The following USP53 variants were observed in gnomAD, a reference collection of about 807,000 sequenced individuals.
USP53 encodes the protein ubiquitin specific peptidase 53.
USP53 carries 71 observed loss-of-function variants against 94.9 expected under a neutral mutation model. The observed-to-expected ratio is 0.75, with a 90% CI of 0.62 to 0.91. The LOEUF (loss-of-function observed/expected upper bound fraction) is 0.91. USP53 is among the 40% of genes least tolerant of loss of function. The pLI is 0.00. For synonymous variants in USP53, 375 were observed against 422.7 expected (o/e 0.89, Z 1.39); for missense variants, 1,173 against 1,281.0 (o/e 0.92, Z 1.29).
intron 3 of USP53, among the ~76,000 whole-genome samples, 169 bp from the exon 4 acceptor site, chr4:119,235,121 T>C (rs1746564114): frequency 6.6e-6 from 1 of 152,372 alleles, no homozygotes; most frequent in Middle Eastern, 3.4e-3. Context: ...CAAAGTCTCC[T>C]GACTTGGATT....
intron 12 of USP53, among the ~76,000 whole-genome samples, chr4:119,265,530 G>T (rs1266565006): frequency 6.6e-6 from 1 of 152,106 alleles, no homozygotes; most frequent in Non-Finnish European, 1.5e-5. Context: ...AATTAGCCAG[G>T]TGTGGTGGCA....
intron 3 of USP53, among the ~76,000 whole-genome samples, chr4:119,224,285 A>T (rs1201315746): frequency 1.3e-5 from 2 of 152,244 alleles, no homozygotes; most frequent in African/African-American, 4.8e-5. Flanking sequence ...GGCGTGAGCC[A>T]CCACATCTGG....
rs938780250 is a variant in USP53, at chr4:119,294,533, A to G, written c.*1322A>G. Reference sequence around the variant, plus strand: ...TGGTAAACTAATTGTGGTTTAGAATAGTTTTATGTTCACTCCTGATAACTG... The same window carrying G: ...TGGTAAACTAATTGTGGTTTAGAATGGTTTTATGTTCACTCCTGATAACTG... On this transcript the variant is annotated 3_prime_UTR_variant, in exon 19 of 19. Coordinates refer to ENST00000692078, the MANE Select transcript of USP53 (RefSeq NM_001371395.1). 1 of 152,124 alleles carries G rather than the reference A, an allele frequency of 6.6e-6. No individual in the cohort carries two copies. Among genetic ancestry groups the G allele is most frequent in the African/African-American group, 2.4e-5 (1 of 41,458 alleles). 9.4% of individuals were successfully genotyped at this position (152,124 alleles called of 1,614,324 possible).
At position 119,261,750 on chromosome 4, in the gene USP53, T is replaced by C. The variant is rs1427960270; in HGVS notation, c.858T>C (p.Asn286=). Residue 286 remains asparagine, a synonymous_variant, in exon 12 of 19, where the codon AAT becomes AAC. Transcript: ENST00000692078. ...FYRVTDENAK[N]SELNLVGMIC... is the part of the protein sequence containing the mutation. Reference sequence around the variant, plus strand: ...GAGTTACTGATGAAAATGCCAAAAATAGTGAACTTAACCTTGTTGGTATGA... The same window carrying C: ...GAGTTACTGATGAAAATGCCAAAAACAGTGAACTTAACCTTGTTGGTATGA... 3 of 1,564,554 alleles carry C rather than the reference T, an allele frequency of 1.9e-6. No homozygotes were observed. The highest frequency in any genetic ancestry group is 2.6e-6 in the Non-Finnish European group (3 of 1,145,540).
At chr4:119,268,215 A>G in intron 13 of USP53, 53 bp from the exon 14 acceptor site, 14 of 1,494,328 alleles carry the variant, frequency 9.4e-6, no homozygotes, top group Non-Finnish European at 1.3e-5. Context: ...TGATTCAAAC[A>G]TCTCTTCTCA....
In USP53 at chr4:119,292,793, C is replaced by T. The variant is rs1754910027; in HGVS notation, c.2804C>T (p.Pro935Leu). The T allele has an allele frequency of 1.2e-6, 2 of 1,610,706 alleles. No individual in the cohort carries two copies. Among genetic ancestry groups the T allele is most frequent in the African/African-American group, 1.4e-5 (1 of 73,652 alleles). Residue 935 changes from proline (P) to leucine (L), a missense_variant, in exon 19 of 19, where the codon CCA becomes CTA. Physicochemically the swap from Pro to Leu is moderately conservative, Grantham distance 98. Coordinates refer to ENST00000692078, the MANE Select transcript of USP53 (RefSeq NM_001371395.1). ...PPKKYAITSV[P>L]QSEKSESTPD... is the part of the protein sequence containing the mutation. The stretch of plus-strand genomic sequence containing the variant: ...AAGAAATATGCTATAACCAGTGTGC[C>T]ACAGTCAGAGAAAAGCGAATCTACA...
intron 7 of USP53, among the ~76,000 whole-genome samples, chr4:119,253,634 C>G (rs961008218): frequency 2.6e-5 from 4 of 152,082 alleles, no homozygotes; most frequent in Non-Finnish European, 5.9e-5. Context: ...GATGGGTCTC[C>G]TGAATACAGC....
intron 17 of USP53, among the ~76,000 whole-genome samples, chr4:119,280,850 G>A (rs558071798): frequency 6.6e-6 from 1 of 152,170 alleles, no homozygotes; most frequent in African/African-American, 2.4e-5. Flanking sequence ...ATATTGTGGA[G>A]AATCACGTGC....
At chr4:119,214,882 C>G (rs1342328605) in intron 2 of USP53, among the ~76,000 whole-genome samples, 2 of 152,122 alleles carry the variant, frequency 1.3e-5, no homozygotes, top group Non-Finnish European at 2.9e-5. Context: ...CTCTTACTTA[C>G]TGGGGTAGGA....
chr4:119,218,823 A>C (rs557722562), intron 3 of USP53: 5 of 152,266 alleles, frequency 3.3e-5, no homozygotes, highest in African/African-American at 1.2e-4. Flanking sequence ...TCTGTTTGCT[A>C]TCTAGTTATC....
intron 15 of USP53, 33 bp from the exon 16 acceptor site, chr4:119,271,263 A>G (rs773166689): frequency 2.0e-6 from 3 of 1,522,718 alleles, no homozygotes; most frequent in Non-Finnish European, 1.8e-6. Context: ...TCTGAGGAGT[A>G]ATTCATGTGT....
intron 6 of USP53, among the ~76,000 whole-genome samples, chr4:119,247,194 C>G (rs755949161): frequency 7.2e-5 from 11 of 152,192 alleles, no homozygotes; most frequent in Non-Finnish European, 1.3e-4. Flanking sequence ...GACCAACTCT[C>G]TTGTAGCCCT....
chr4:119,277,873 T>A (rs1363955023), intron 17 of USP53, among the ~76,000 whole-genome samples: 1 of 120,772 alleles, frequency 8.3e-6, no homozygotes, highest in Non-Finnish European at 1.8e-5. Flanking sequence ...TTTGTCTCTT[T>A]TGATCTTTGT....
chr4:119,226,796 G>A (rs1745315492), intron 3 of USP53, among the ~76,000 whole-genome samples: 1 of 152,028 alleles, frequency 6.6e-6, no homozygotes, highest in Non-Finnish European at 1.5e-5. Flanking sequence ...AGAATAGAGA[G>A]ACCAGAAATA....
At chr4:119,241,592 T>C (rs1350738335) in intron 5 of USP53, among the ~76,000 whole-genome samples, 1 of 152,218 alleles carries the variant, frequency 6.6e-6, no homozygotes, top group Non-Finnish European at 1.5e-5. Context: ...TATTCTGATC[T>C]TTGTTTCTCT....
At chr4:119,245,224 A>T in intron 5 of USP53, 113 bp from the exon 6 acceptor site, 1 of 872,848 alleles carries the variant, frequency 1.1e-6, no homozygotes, top group Non-Finnish European at 1.8e-6. Context: ...ACAGGCAATT[A>T]AAAGAAGTTA....
chr4:119,273,845 C>A, intron 17 of USP53, 137 bp downstream of exon 17: 1 of 649,168 alleles, frequency 1.5e-6, no homozygotes, highest in Non-Finnish European at 2.6e-6. Context: ...TATCAATAAA[C>A]AAGTTTTATT....
At chr4:119,219,184 C>T (rs1744189058) in intron 3 of USP53, 1 of 152,148 alleles carries the variant, frequency 6.6e-6, no homozygotes. Context: ...GCTGTTGTAA[C>T]AAAGAACCAC....
intron 17 of USP53, 120 bp from the exon 18 acceptor site, chr4:119,291,045 G>C (rs982429580): frequency 3.9e-6 from 2 of 508,266 alleles, no homozygotes; most frequent in South Asian, 3.9e-5. Context: ...AATTGGAAGA[G>C]ATTACCTTTT....
Sources: allele counts gnomAD v4.1 joint callset (sites outside exome capture counted in the v4.1 genomes callset), GRCh38; gene constraint gnomAD v4.1.1; transcripts MANE v1.5; gene names NCBI Gene and HGNC (gene_info 2026-07-23, HGNC 2026-07-21).